The following TTC28 variants were observed in gnomAD, a reference collection of about 807,000 sequenced individuals.
TTC28 encodes tetratricopeptide repeat protein 28.
A neutral mutation model predicts 198.0 loss-of-function variants in TTC28; 61 were observed. The observed-to-expected ratio is 0.31, with a 90% CI of 0.25 to 0.38. TTC28 has a LOEUF of 0.38. TTC28 is among the 10% of genes least tolerant of loss of function. The pLI is 1.00. For synonymous variants in TTC28, 1,171 were observed against 1,297.8 expected, an observed-to-expected ratio of 0.90 and a Z score of 2.10; for missense variants, 2,678 against 3,164.0, an observed-to-expected ratio of 0.85 and a Z score of 3.69.
chr22:28,504,022 G>A (rs956993505), intron 2 of TTC28, among the ~76,000 whole-genome samples: 27 of 152,184 alleles, frequency 1.8e-4, no homozygotes, highest in African/African-American at 6.5e-4. Context: ...ATAGACTAAT[G>A]TAAATCAATA....
At chr22:28,565,449 TAATCCATCTTTCAAAGAACGAGATCA>T (rs1168641612) in intron 2 of TTC28, among the ~76,000 whole-genome samples, 2 of 152,198 alleles carry the variant, frequency 1.3e-5, no homozygotes, top group East Asian at 3.8e-4. Flanking sequence ...CATATTCACA[TAATCCATCTTTCAAAGAACGAGATCA>T]AATCCAAGAG....
At chr22:28,169,566 A>C (rs1428660454) in intron 5 of TTC28, among the ~76,000 whole-genome samples, 2 of 152,168 alleles carry the variant, frequency 1.3e-5, no homozygotes, top group African/African-American at 4.8e-5. Context: ...AAACTATCGC[A>C]AGGACAAAAA....
chr22:28,030,141 G>A (rs1939013339), intron 13 of TTC28, 85 bp downstream of exon 13: 18 of 1,497,202 alleles, frequency 1.2e-5, no homozygotes, highest in South Asian at 2.7e-5. Context: ...CTAACCAGCT[G>A]GAAGGAGCAT....
intron 2 of TTC28, among the ~76,000 whole-genome samples, chr22:28,319,077 C>T (rs2045402971): frequency 6.6e-6 from 1 of 152,080 alleles, no homozygotes; most frequent in African/African-American, 2.4e-5. Context: ...ATCCTCTCAC[C>T]TCAACCTCCC....
rs1294987013 is a variant in TTC28, at chr22:27,999,425, C to T, written c.4399-165G>A. The stretch of plus-strand genomic sequence containing the variant: ...CTCTTATTTTTCAACATCTTTTTGA[C>T]ACAGGTGCCTAACTTACTGAGAATC... On this transcript the variant is annotated intron_variant, in intron 15 of 22. Transcript: ENST00000397906. The T allele has an allele frequency of 3.8e-6, 4 of 1,050,100 alleles. No individual in the cohort carries two copies. In the African/African-American group the frequency reaches 6.4e-5, roughly 17 times the overall value. The allele number at this position is 1,050,100 out of a possible 1,614,324, so 65.0% of individuals were successfully genotyped here.
At chr22:28,537,330 A>ACATAACATAACATAACATAACAT (rs2049312720) in intron 2 of TTC28, among the ~76,000 whole-genome samples, 7 of 148,688 alleles carry the variant, frequency 4.7e-5, no homozygotes, top group Admixed American at 1.3e-4. Flanking sequence ...AAATAAAATA[A>ACATAACATAACATAACATAACAT]AATAAAATAA....
At chr22:28,503,153 C>T (rs1299635324) in intron 2 of TTC28, among the ~76,000 whole-genome samples, 1 of 152,062 alleles carries the variant, frequency 6.6e-6, no homozygotes, top group Non-Finnish European at 1.5e-5. Context: ...TATGCCTTTC[C>T]CCTCAAGCTG....
At chr22:28,387,292 C>T (rs922602663) in intron 2 of TTC28, among the ~76,000 whole-genome samples, 9 of 152,174 alleles carry the variant, frequency 5.9e-5, no homozygotes, top group East Asian at 3.9e-4. Context: ...TGAATAATGC[C>T]GCAATAAACA....
chr22:28,574,026 C>CT (rs2050104269), intron 2 of TTC28, among the ~76,000 whole-genome samples: 1 of 151,954 alleles, frequency 6.6e-6, no homozygotes, highest in Admixed American at 6.6e-5. Context: ...GACAAGATCT[C>CT]TTTTTTAACA....
At chr22:28,554,839 C>A (rs1409749926) in intron 2 of TTC28, among the ~76,000 whole-genome samples, 2 of 152,064 alleles carry the variant, frequency 1.3e-5, no homozygotes, top group African/African-American at 4.8e-5. Context: ...CCACTCTACT[C>A]CAGCCTGGGT....
chr22:28,414,845 A>G (rs1179348075), intron 2 of TTC28, among the ~76,000 whole-genome samples: 1 of 152,240 alleles, frequency 6.6e-6, no homozygotes, highest in Non-Finnish European at 1.5e-5. Flanking sequence ...AACTTCAAGA[A>G]CTATCATCCT....
intron 2 of TTC28, among the ~76,000 whole-genome samples, chr22:28,340,693 T>TA (rs1332207414): frequency 6.6e-6 from 1 of 152,186 alleles, no homozygotes; most frequent in African/African-American, 2.4e-5. Flanking sequence ...TCTGATGAAG[T>TA]AAAATGACAA....
intron 14 of TTC28, among the ~76,000 whole-genome samples, chr22:28,009,289 C>T (rs1442708649): frequency 6.6e-6 from 1 of 152,228 alleles, no homozygotes; most frequent in Non-Finnish European, 1.5e-5. Context: ...ACTGTCTGAC[C>T]TAGTCCCTTA....
At chr22:28,549,684 TAAC>T (rs1405926433) in intron 2 of TTC28, among the ~76,000 whole-genome samples, 2 of 152,194 alleles carry the variant, frequency 1.3e-5, no homozygotes, top group South Asian at 2.1e-4. Flanking sequence ...TTAAAATACA[TAAC>T]AACTATATTC....
intron 2 of TTC28, among the ~76,000 whole-genome samples, chr22:28,505,806 C>A (rs527739619): frequency 7.2e-5 from 11 of 152,330 alleles, no homozygotes; most frequent in African/African-American, 2.6e-4. Context: ...TTCCACGGCA[C>A]GTCACTGGAA....
intron 14 of TTC28, among the ~76,000 whole-genome samples, chr22:28,003,732 G>A (rs868258387): frequency 3.3e-5 from 5 of 152,204 alleles, no homozygotes; most frequent in South Asian, 2.1e-4. Flanking sequence ...GCCCATCTTC[G>A]TAGAACTCTG....
intron 2 of TTC28, among the ~76,000 whole-genome samples, chr22:28,576,962 C>T (rs936216662): frequency 1.3e-5 from 2 of 151,822 alleles, no homozygotes; most frequent in African/African-American, 4.8e-5. Flanking sequence ...TTTCACTTCA[C>T]TTTCATTTAT....
At chr22:28,282,413 A>G (rs2044600853) in intron 5 of TTC28, among the ~76,000 whole-genome samples, 1 of 152,260 alleles carries the variant, frequency 6.6e-6, no homozygotes, top group Admixed American at 6.5e-5. Flanking sequence ...ACTATCCAAT[A>G]GAATTTTCTA....
At chr22:28,087,104 C>G (rs1023782898) in intron 12 of TTC28, among the ~76,000 whole-genome samples, 1 of 152,146 alleles carries the variant, frequency 6.6e-6, no homozygotes, top group African/African-American at 2.4e-5. Flanking sequence ...TGGTACCATT[C>G]CTTCTGAAAC....
Sources: gnomAD v4.1 joint callset for allele counts (sites outside exome capture counted in the v4.1 genomes callset) on GRCh38, gnomAD v4.1.1 for gene constraint, MANE v1.5 for transcripts, NCBI Gene and HGNC (gene_info 2026-07-23, HGNC 2026-07-21) for gene names.